Variants in GABRG3 observed in about 807,000 individuals in gnomAD.
GABRG3 encodes gamma-aminobutyric acid type A receptor subunit gamma3.
A neutral mutation model predicts 48.8 loss-of-function variants in GABRG3; 25 were observed. The ratio of observed to expected loss-of-function variants is 0.51; its 90% CI spans 0.37 to 0.72. GABRG3 has a LOEUF of 0.72. Among genes scored for constraint, GABRG3 ranks in the 30% least tolerant of loss-of-function variants. GABRG3 has a pLI of 0.00. For synonymous variants in GABRG3, 227 were observed against 217.6 expected (o/e 1.04, Z -0.38); for missense variants, 394 against 577.9 (o/e 0.68, Z 3.26).
intron 3 of GABRG3, among the ~76,000 whole-genome samples, chr15:27,048,491 T>C (rs1406953107): frequency 2.0e-5 from 3 of 152,068 alleles, no homozygotes. Context: ...AGTCCCTCCA[T>C]AGGGCCTGCA....
At chr15:27,083,877 T>C (rs920894501) in intron 3 of GABRG3, among the ~76,000 whole-genome samples, 2 of 152,246 alleles carry the variant, frequency 1.3e-5, no homozygotes, top group Non-Finnish European at 2.9e-5. Flanking sequence ...TTTATATTTC[T>C]TCAATAAGCC....
intron 5 of GABRG3, among the ~76,000 whole-genome samples, chr15:27,341,413 G>T (rs1894173396): frequency 6.6e-6 from 1 of 152,130 alleles, no homozygotes; most frequent in Non-Finnish European, 1.5e-5. Flanking sequence ...AATCAAACTT[G>T]AACCAAGCTG....
At chr15:27,194,404 C>T (rs1888430528) in intron 3 of GABRG3, among the ~76,000 whole-genome samples, 1 of 152,116 alleles carries the variant, frequency 6.6e-6, no homozygotes, top group African/African-American at 2.4e-5. Context: ...TTGTCATGTC[C>T]TTTCAGTTTA....
chr15:27,116,559 A>C (rs1418673231), intron 3 of GABRG3, among the ~76,000 whole-genome samples: 2 of 152,190 alleles, frequency 1.3e-5, no homozygotes, highest in Non-Finnish European at 2.9e-5. Flanking sequence ...TTATACTAAG[A>C]AAAAGAAGGA....
chr15:27,404,929 C>T (rs1177722610), intron 5 of GABRG3, among the ~76,000 whole-genome samples: 1 of 152,196 alleles, frequency 6.6e-6, no homozygotes, highest in Non-Finnish European at 1.5e-5. Flanking sequence ...TAGATTCTTA[C>T]ACTGGTATGT....
At chr15:27,367,681 T>C (rs1412242996) in intron 5 of GABRG3, among the ~76,000 whole-genome samples, 1 of 152,232 alleles carries the variant, frequency 6.6e-6, no homozygotes, top group Non-Finnish European at 1.5e-5. Flanking sequence ...TGAGTAGCAT[T>C]GCATATAATA....
At chr15:27,220,185 T>C (rs1464914537) in intron 3 of GABRG3, among the ~76,000 whole-genome samples, 1 of 152,206 alleles carries the variant, frequency 6.6e-6, no homozygotes, top group Non-Finnish European at 1.5e-5. Flanking sequence ...CAAAATTTTA[T>C]ATCAACACAT....
intron 5 of GABRG3, among the ~76,000 whole-genome samples, chr15:27,454,651 G>GT (rs1889210204): frequency 6.6e-6 from 1 of 152,102 alleles, no homozygotes; most frequent in Admixed American, 6.6e-5. Flanking sequence ...ATCACATTTT[G>GT]TTTTTTAGCT....
intron 3 of GABRG3, among the ~76,000 whole-genome samples, chr15:27,304,599 T>C (rs1321518322): frequency 6.6e-6 from 1 of 151,856 alleles, no homozygotes. Flanking sequence ...CATTCCCCCA[T>C]CCATGACTGC....
intron 6 of GABRG3, among the ~76,000 whole-genome samples, chr15:27,498,551 AGTGGCG>A (rs367912675): frequency 2.5e-3 from 377 of 151,850 alleles, no homozygotes; most frequent in African/African-American, 8.8e-3. Flanking sequence ...GCTGGAGTGC[AGTGGCG>A]TGATGTCGGC....
chr15:27,432,783 G>GAAGA (rs1301434128), intron 5 of GABRG3, among the ~76,000 whole-genome samples: 1 of 152,076 alleles, frequency 6.6e-6, no homozygotes, highest in Non-Finnish European at 1.5e-5. Context: ...TTGGCATCAA[G>GAAGA]AAGAAACCAG....
At chr15:27,497,330 G>A (rs1232299914) in intron 6 of GABRG3, among the ~76,000 whole-genome samples, 1 of 152,166 alleles carries the variant, frequency 6.6e-6, no homozygotes, top group African/African-American at 2.4e-5. Context: ...TCTTACGAAA[G>A]ACTCACGGGT....
chr15:27,323,966 G>A (rs1318408778), intron 3 of GABRG3, among the ~76,000 whole-genome samples: 3 of 152,156 alleles, frequency 2.0e-5, no homozygotes, highest in African/African-American at 4.8e-5. Context: ...ATACCACTCT[G>A]CTTGTGTTTC....
At chr15:27,132,500 T>TTTTTTG (rs1897936768) in intron 3 of GABRG3, among the ~76,000 whole-genome samples, 2 of 137,032 alleles carry the variant, frequency 1.5e-5, no homozygotes, top group African/African-American at 2.6e-5. Flanking sequence ...TTTTTTTTTT[T>TTTTTTG]GTGGCTTATT....
intron 3 of GABRG3, among the ~76,000 whole-genome samples, chr15:27,133,941 T>A (rs1232958491): frequency 6.6e-6 from 1 of 152,228 alleles, no homozygotes; most frequent in Non-Finnish European, 1.5e-5. Flanking sequence ...TTCTTTGGAC[T>A]TTTTGAATTT....
In GABRG3 at chr15:27,248,767, A is replaced by AACACACAC. The variant is rs150140195; in HGVS notation, c.271-78012_271-78005dup. Among the ~76,000 whole-genome samples, 700 of 117,036 alleles carry AACACACAC rather than the reference A, an allele frequency of 6.0e-3. 12 individuals carry two copies. The highest frequency in any genetic ancestry group is 0.014 in the Middle Eastern group (3 of 212). 76.8% of individuals were successfully genotyped at this position (117,036 alleles called of 152,430 possible). On this transcript the variant is annotated intron_variant, in intron 3 of 9. Transcript: ENST00000615808. ...TGGAAGAGTTTTAGGTGAGAAGGAA[A>AACACACAC]ACACACACACACACACACACACACA...
intron 6 of GABRG3, among the ~76,000 whole-genome samples, chr15:27,518,195 C>A (rs899459326): frequency 0.017 from 1,478 of 87,244 alleles, no homozygotes; most frequent in Non-Finnish European, 0.024. Context: ...ACTAAAAATA[C>A]AAAAAAAAAA....
At chr15:27,343,895 T>C (rs1771081851) in intron 5 of GABRG3, among the ~76,000 whole-genome samples, 1 of 152,264 alleles carries the variant, frequency 6.6e-6, no homozygotes, top group South Asian at 2.1e-4. Flanking sequence ...TGTTTAAATG[T>C]GCCAGATGGA....
chr15:27,115,743 G>A (rs1897629949), intron 3 of GABRG3, among the ~76,000 whole-genome samples: 1 of 152,058 alleles, frequency 6.6e-6, no homozygotes, highest in Non-Finnish European at 1.5e-5. Flanking sequence ...TATTTTCATT[G>A]TAATGTCCCA....
Sources: gnomAD v4.1 joint callset for allele counts (sites outside exome capture counted in the v4.1 genomes callset) on GRCh38, gnomAD v4.1.1 for gene constraint, MANE v1.5 for transcripts, NCBI Gene and HGNC (gene_info 2026-07-23, HGNC 2026-07-21) for gene names.